The following SIDT1 variants were observed in gnomAD, a reference collection of about 807,000 sequenced individuals.
SIDT1 encodes the protein SID1 transmembrane family, member 1.
In SIDT1, 101 loss-of-function variants were observed where a neutral mutation model predicts 107.5. The ratio of observed to expected loss-of-function variants is 0.94; its 90% CI spans 0.80 to 1.11. The LOEUF is 1.11. Ranked by LOEUF, SIDT1 falls within the 50% of genes least tolerant of loss-of-function variation. The pLI is 0.00. For missense variants in SIDT1, 1,076 were observed against 1,058.2 expected, an observed-to-expected ratio of 1.02 and a Z score of -0.23; for synonymous variants, 395 against 398.2, an observed-to-expected ratio of 0.99 and a Z score of 0.10.
chr3:113,581,486 C>A, intron 6 of SIDT1, 42 bp downstream of exon 6: 1 of 1,471,972 alleles, frequency 6.8e-7, no homozygotes. Flanking sequence ...AATGGTAATG[C>A]TCAATAGATA....
chr3:113,570,309 G>A (rs1366782557), intron 3 of SIDT1, among the ~76,000 whole-genome samples: 1 of 152,238 alleles, frequency 6.6e-6, no homozygotes, highest in African/African-American at 2.4e-5. Flanking sequence ...TACAGTACTT[G>A]CACAGAGTGC....
At chr3:113,581,683 G>T (rs1392926121) in intron 6 of SIDT1, 5 of 447,072 alleles carry the variant, frequency 1.1e-5, no homozygotes, top group Non-Finnish European at 2.0e-5. Flanking sequence ...GACCAGCCTG[G>T]CCAATATGGC....
rs1460952856 is a variant in SIDT1 at position 113,544,198 on chromosome 3, TG to T, written c.222+10956del. Among the ~76,000 whole-genome samples, 89 of 116,152 alleles carry T rather than the reference TG, an allele frequency of 7.7e-4. 1 individual carries two copies. The highest frequency in any genetic ancestry group is 3.4e-3 in the African/African-American group (79 of 23,334). 76.2% of individuals were successfully genotyped at this position (116,152 alleles called of 152,430 possible). A position where few individuals can be genotyped will look rare whatever the true frequency, so the allele number is the denominator to read the frequency against. On this transcript the variant is annotated intron_variant, in intron 1 of 24. Transcript: ENST00000264852. ...TTGTTTGTTTGTTTGTTTGTTTGTT[TG>T]TTTGTTTGTTTAAATGGAGTCTCCC...
intron 18 of SIDT1, 87 bp from the exon 19 acceptor site, chr3:113,611,999 C>A: frequency 1.1e-6 from 1 of 917,372 alleles, no homozygotes; most frequent in Non-Finnish European, 1.8e-6. Flanking sequence ...CTGTTTTTGA[C>A]TCCTTACACA....
At chr3:113,581,627 C>A in intron 6 of SIDT1, 183 bp downstream of exon 6, 2 of 558,640 alleles carry the variant, frequency 3.6e-6, no homozygotes, top group South Asian at 2.2e-5. Flanking sequence ...AATCCTAGCA[C>A]TTTGGGAGGC....
At chr3:113,592,761 T>C (rs934882431) in intron 9 of SIDT1, 3 of 411,626 alleles carry the variant, frequency 7.3e-6, no homozygotes, top group Non-Finnish European at 1.4e-5. Context: ...CTAATTTTTG[T>C]ATTTTTATTA....
At chr3:113,624,426 TA>T (rs1946698486) in intron 23 of SIDT1, among the ~76,000 whole-genome samples, 1 of 152,238 alleles carries the variant, frequency 6.6e-6, no homozygotes, top group Admixed American at 6.5e-5. Flanking sequence ...GTAACATACA[TA>T]GTACTTCATG....
At chr3:113,633,667 G>C (rs1015167365), downstream of SIDT1, among the ~76,000 whole-genome samples, 58 of 152,198 alleles carry the variant, frequency 3.8e-4, no homozygotes, top group African/African-American at 1.2e-3. Flanking sequence ...AGAAGGAAAA[G>C]AAAACTACTT....
chr3:113,554,790 T>A (rs1405801596), intron 1 of SIDT1, among the ~76,000 whole-genome samples: 4 of 152,108 alleles, frequency 2.6e-5, no homozygotes, highest in Non-Finnish European at 5.9e-5. Flanking sequence ...CACCAAGCAC[T>A]TACTTTCTCA....
chr3:113,542,673 G>A (rs1380168538), intron 1 of SIDT1, among the ~76,000 whole-genome samples: 1 of 152,252 alleles, frequency 6.6e-6, no homozygotes, highest in Non-Finnish European at 1.5e-5. Flanking sequence ...GAAGGGAAGG[G>A]AAGATCTGGG....
intron 1 of SIDT1, among the ~76,000 whole-genome samples, chr3:113,563,927 G>C (rs1362942539): frequency 6.6e-6 from 1 of 151,954 alleles, no homozygotes; most frequent in Non-Finnish European, 1.5e-5. Context: ...GATCTTTGGT[G>C]TGTACTTCTT....
chr3:113,629,753 T>C (rs1183303274), downstream of SIDT1, among the ~76,000 whole-genome samples: 2 of 152,086 alleles, frequency 1.3e-5, no homozygotes, highest in African/African-American at 4.8e-5. Context: ...TGAGCGGAAA[T>C]GGGGAAAGGG....
chr3:113,623,679 T>C lies in SIDT1; in HGVS notation c.2253T>C (p.Ala751=), dbSNP rs1391216766. Residue 751 remains alanine (A), a synonymous_variant, in exon 23 of 25, where the codon GCT becomes GCC. Coordinates refer to ENST00000264852, the MANE Select transcript of SIDT1 (RefSeq NM_017699.3). ...PVPLFCIVAT[A]VMWAAALYFF... is the part of the protein sequence containing the mutation. ...CGCTCTTCTGCATCGTGGCCACCGC[T>C]GTGATGTGGGCTGCCGCCCTATATT... 3 of 1,614,146 alleles carry C rather than the reference T, an allele frequency of 1.9e-6. No individual in the cohort carries two copies. Among genetic ancestry groups the C allele is most frequent in the South Asian group, 2.2e-5 (2 of 91,090 alleles).
downstream of SIDT1, among the ~76,000 whole-genome samples, chr3:113,631,918 C>A (rs1297310645): frequency 6.6e-6 from 1 of 152,216 alleles, no homozygotes; most frequent in Non-Finnish European, 1.5e-5. Flanking sequence ...TCTTAAATAT[C>A]TCTAGATTAA....
At chr3:113,579,884 G>T (rs949759380) in intron 4 of SIDT1, among the ~76,000 whole-genome samples, 1 of 152,160 alleles carries the variant, frequency 6.6e-6, no homozygotes, top group South Asian at 2.1e-4. Context: ...ACAACTTAGA[G>T]TTAATACATT....
At chr3:113,584,160 A>ATTCCTTG (rs1943569250) in intron 7 of SIDT1, among the ~76,000 whole-genome samples, 2 of 152,224 alleles carry the variant, frequency 1.3e-5, no homozygotes, top group Non-Finnish European at 2.9e-5. Context: ...TGTTGAGTGT[A>ATTCCTTG]ACATCATTTC....
chr3:113,584,809 G>A, intron 8 of SIDT1, 40 bp downstream of exon 8: 1 of 1,367,100 alleles, frequency 7.3e-7, no homozygotes, highest in Non-Finnish European at 1.0e-6. Flanking sequence ...AGATTCCTGT[G>A]TCAGAAAATC....
intron 10 of SIDT1, among the ~76,000 whole-genome samples, chr3:113,599,657 C>G (rs1451810722): frequency 6.6e-6 from 1 of 152,112 alleles, no homozygotes; most frequent in Non-Finnish European, 1.5e-5. Context: ...ACTGCATGGT[C>G]TCTCTTATAT....
At chr3:113,620,510 A>T (rs2107802769) in intron 21 of SIDT1, among the ~76,000 whole-genome samples, 1 of 152,252 alleles carries the variant, frequency 6.6e-6, no homozygotes, top group East Asian at 1.9e-4. Flanking sequence ...TTAAAAAAAA[A>T]AAAATGATTC....
Sources: gnomAD v4.1 joint callset for allele counts (sites outside exome capture counted in the v4.1 genomes callset) on GRCh38, gnomAD v4.1.1 for gene constraint, MANE v1.5 for transcripts, NCBI Gene and HGNC (gene_info 2026-07-23, HGNC 2026-07-21) for gene names.